The following C2orf92 variants were observed in gnomAD, a reference collection of about 807,000 sequenced individuals.
C2orf92 encodes the protein uncharacterized protein C2orf92.
intron 3 of C2orf92, among the ~76,000 whole-genome samples, chr2:97,683,076 CCA>C (rs760650490): frequency 0.01 from 1,469 of 143,216 alleles, 23 homozygotes; most frequent in East Asian, 0.06. Context: ...CATATAGACT[CCA>C]CACACACACA....
In C2orf92 at chr2:97,681,090, G is replaced by A. The variant is rs548612288; in HGVS notation, c.232+5162G>A. On this transcript the variant is annotated intron_variant, in intron 3 of 7. Coordinates refer to ENST00000627399, the MANE Select transcript of C2orf92 (RefSeq NM_001351368.2). ...CCACTGCACTCCAGCACAGGAGACA[G>A]AGCGAGACTCCATCTCAAAAAAAAA... Among the ~76,000 whole-genome samples the A allele has an allele frequency of 2.3e-3, 264 of 117,282 alleles. 8 individuals carry two copies. The South Asian group carries it at 0.074, about 33-fold the overall frequency. 76.9% of individuals were successfully genotyped at this position (117,282 alleles called of 152,430 possible). A position where few individuals can be genotyped will look rare whatever the true frequency, so the allele number is the denominator to read the frequency against.
intron 3 of C2orf92, among the ~76,000 whole-genome samples, chr2:97,676,309 C>T (rs1675574933): frequency 6.6e-6 from 1 of 151,618 alleles, no homozygotes; most frequent in South Asian, 2.1e-4. Flanking sequence ...TGGTGTGCAC[C>T]TGTAATCCCA....
At chr2:97,694,621 TTTAC>T (rs1676250718) in intron 5 of C2orf92, 1 of 152,104 alleles carries the variant, frequency 6.6e-6, no homozygotes. Flanking sequence ...CCATGTTTTG[TTTAC>T]TTACTTATCC....
intron 3 of C2orf92, among the ~76,000 whole-genome samples, chr2:97,677,936 C>A (rs1289172954): frequency 1.3e-5 from 2 of 152,192 alleles, no homozygotes; most frequent in Admixed American, 1.3e-4. Flanking sequence ...ATACTTGGCA[C>A]ATGCCTGTAA....
chr2:97,690,458 G>A (rs1241447649), intron 5 of C2orf92, 131 bp downstream of exon 5: 3 of 373,566 alleles, frequency 8.0e-6, no homozygotes, highest in Non-Finnish European at 1.4e-5. Flanking sequence ...TCGGCTCACT[G>A]CAAACTCTGC....
chr2:97,700,823 G>A (rs893104530), intron 6 of C2orf92, among the ~76,000 whole-genome samples: 1 of 151,608 alleles, frequency 6.6e-6, no homozygotes, highest in Non-Finnish European at 1.5e-5. Flanking sequence ...TCCGCCTCCC[G>A]GGTTCACGCC....
intron 7 of C2orf92, 21 bp downstream of exon 7, chr2:97,701,325 C>T (rs928664096): frequency 2.5e-6 from 1 of 398,796 alleles, no homozygotes; most frequent in Non-Finnish European, 4.4e-6. Context: ...CTGGCATAAC[C>T]TTCCTTCCAA....
intron 1 of C2orf92, among the ~76,000 whole-genome samples, chr2:97,673,455 G>T (rs539029517): frequency 6.6e-6 from 1 of 152,284 alleles, no homozygotes; most frequent in South Asian, 2.1e-4. Flanking sequence ...TCACACACTG[G>T]CCTACCAGGG....
chr2:97,664,048 G>A (rs1388075016), upstream of C2orf92: 1 of 323,646 alleles, frequency 3.1e-6, no homozygotes, highest in African/African-American at 2.2e-5. Flanking sequence ...GCTTTCTGGA[G>A]GGCGGGCCCG....
intron 2 of C2orf92, chr2:97,675,516 T>G (rs1261749049): frequency 2.1e-5 from 5 of 237,520 alleles, no homozygotes; most frequent in East Asian, 8.0e-5. Context: ...TCAAAGTGGT[T>G]GTACTTGAAA....
exon 1 of C2orf92, chr2:97,664,276 T>C (rs1675129686): frequency 6.5e-6 from 1 of 153,320 alleles, no homozygotes; most frequent in African/African-American, 2.4e-5. Context: ...TGGGCTGGTG[T>C]GCGCGCGGCC....
At chr2:97,697,501 G>C (rs1676349125) in intron 5 of C2orf92, among the ~76,000 whole-genome samples, 3 of 152,190 alleles carry the variant, frequency 2.0e-5, no homozygotes, top group African/African-American at 7.2e-5. Flanking sequence ...CTTTCTGTCT[G>C]TGGCTATTAA....
At chr2:97,685,251 TTC>T (rs1473259071) in intron 3 of C2orf92, among the ~76,000 whole-genome samples, 1 of 150,374 alleles carries the variant, frequency 6.7e-6, no homozygotes, top group Non-Finnish European at 1.5e-5. Context: ...TTTGGTTTTT[TTC>T]TTTCTTTCTT....
At chr2:97,691,778 C>T (rs1247250686) in intron 5 of C2orf92, among the ~76,000 whole-genome samples, 3 of 152,120 alleles carry the variant, frequency 2.0e-5, no homozygotes, top group African/African-American at 7.2e-5. Context: ...AGACCAGCTA[C>T]TCAGGAGGCT....
intron 5 of C2orf92, among the ~76,000 whole-genome samples, chr2:97,690,573 G>C (rs1460876906): frequency 1.3e-5 from 2 of 151,964 alleles, no homozygotes; most frequent in Non-Finnish European, 2.9e-5. Flanking sequence ...AGTAGAGACA[G>C]GGTTTCACCG....
chr2:97,696,038 C>T (rs1476583424), intron 5 of C2orf92, among the ~76,000 whole-genome samples: 2 of 152,176 alleles, frequency 1.3e-5, no homozygotes, highest in Non-Finnish European at 2.9e-5. Context: ...TCTGTCCTAC[C>T]CAGTGGGAAG....
chr2:97,702,303 A>G, intron 7 of C2orf92: 1 of 160,426 alleles, frequency 6.2e-6, no homozygotes, highest in Non-Finnish European at 1.4e-5. Flanking sequence ...TGACTTATTC[A>G]GGCCACCTCC....
At position 97,677,555 on chromosome 2, in the gene C2orf92, T is replaced by C. The variant is rs908522377; in HGVS notation, c.232+1627T>C. ...AAGTTACAAAAAGATGGCTTCAGCC[T>C]TCAATAAGCAAAAATCAACAATCAC... On this transcript the variant is annotated intron_variant, in intron 3 of 7. Transcript: ENST00000627399. 3 of 152,198 alleles carry C rather than the reference T, an allele frequency of 2.0e-5. No homozygotes were observed. In the South Asian group the frequency reaches 6.2e-4, roughly 31 times the overall value. The allele number at this position is 152,198 out of a possible 1,614,324, so 9.4% of individuals were successfully genotyped here.
chr2:97,679,313 G>T (rs1281139347), intron 3 of C2orf92, among the ~76,000 whole-genome samples: 1 of 152,084 alleles, frequency 6.6e-6, no homozygotes, highest in East Asian at 1.9e-4. Context: ...TCTGTTAATG[G>T]TCATACAGTG....
Sources: allele counts gnomAD v4.1 joint callset (sites outside exome capture counted in the v4.1 genomes callset), GRCh38; gene constraint gnomAD v4.1.1; transcripts MANE v1.5; gene names NCBI Gene and HGNC (gene_info 2026-07-23, HGNC 2026-07-21).